Variants in RIPOR2 observed in about 807,000 individuals in gnomAD.
RIPOR2 encodes the protein rho family-interacting cell polarization regulator 2.
RIPOR2 carries 39 observed loss-of-function variants against 114.5 expected under a neutral mutation model. That is an observed-to-expected ratio of 0.34 (90% CI 0.26 to 0.44). The LOEUF is 0.44. Among genes scored for constraint, RIPOR2 ranks in the 20% least tolerant of loss-of-function variants. The pLI is 1.00. For synonymous variants in RIPOR2, 445 were observed against 484.4 expected (o/e 0.92, Z 1.07); for missense variants, 1,007 against 1,255.1 (o/e 0.80, Z 2.99).
intron 1 of RIPOR2, among the ~76,000 whole-genome samples, chr6:24,923,579 T>C (rs1287170575): frequency 1.3e-5 from 2 of 152,112 alleles, no homozygotes; most frequent in African/African-American, 2.4e-5. Flanking sequence ...GCGCGGCGGC[T>C]CACTCCTGTA....
chr6:25,041,874 C>T, exon 1 of RIPOR2: 1 of 702,928 alleles, frequency 1.4e-6, no homozygotes, highest in East Asian at 2.7e-5. Flanking sequence ...CCTCCGGATC[C>T]TGTCCCTCCA....
Position 24,935,940 on chromosome 6 carries a change from G to A in RIPOR2, c.-42C>T, listed in dbSNP as rs547679229. 6.1e-6 allele frequency: 9 copies of A among 1,467,322 alleles called. No homozygotes were observed. Among genetic ancestry groups the A allele is most frequent in the Admixed American group, 3.9e-5 (2 of 50,756 alleles). 90.9% of individuals were successfully genotyped at this position (1,467,322 alleles called of 1,614,324 possible). A position where few individuals can be genotyped will look rare whatever the true frequency, so the allele number is the denominator to read the frequency against. On this transcript the variant is annotated 5_prime_UTR_variant, in exon 1 of 22. Coordinates refer to ENST00000643898, the MANE Select transcript of RIPOR2 (RefSeq NM_001286445.3). ...GCGAGAAGCAGCAGGCAGCAGCCCC[G>A]GCAGTCTCAGCAGTCACACTGCCGA...
In RIPOR2 at chr6:24,805,397, G is replaced by A. The variant is rs866928930; in HGVS notation, c.*976C>T. 5.5e-5 allele frequency: 8 copies of A among 146,778 alleles called. No individual in the cohort carries two copies. The highest frequency in any genetic ancestry group is 9.0e-5 in the Non-Finnish European group (6 of 66,558). 9.1% of individuals were successfully genotyped at this position (146,778 alleles called of 1,614,324 possible). A position where few individuals can be genotyped will look rare whatever the true frequency, so the allele number is the denominator to read the frequency against. The stretch of plus-strand genomic sequence containing the variant: ...ACAAAATAAATTATGGGAGTTTTTT[G>A]TTTTTTTTTTTGAGACTGGCTCTCA... On this transcript the variant is annotated 3_prime_UTR_variant, in exon 22 of 22. Coordinates refer to ENST00000643898, the MANE Select transcript of RIPOR2 (RefSeq NM_001286445.3).
At chr6:24,846,836 T>G (rs546934511) in intron 12 of RIPOR2, among the ~76,000 whole-genome samples, 1 of 152,322 alleles carries the variant, frequency 6.6e-6, no homozygotes, top group East Asian at 1.9e-4. Flanking sequence ...AGGATATCTT[T>G]TTATCGAAGT....
intron 8 of RIPOR2, among the ~76,000 whole-genome samples, chr6:24,859,052 G>A (rs979836581): frequency 5.9e-5 from 9 of 152,106 alleles, no homozygotes; most frequent in Non-Finnish European, 1.0e-4. Flanking sequence ...TGGAGTTAGA[G>A]GTGGGAATGC....
chr6:24,943,020 T>C (rs113467145), intron 1 of RIPOR2, among the ~76,000 whole-genome samples: 3,244 of 152,326 alleles, frequency 0.021, 60 homozygotes, highest in African/African-American at 0.05. Context: ...TAAATCATGC[T>C]GCTATAAAGA....
intron 1 of RIPOR2, among the ~76,000 whole-genome samples, chr6:24,889,829 T>C (rs956068476): frequency 6.6e-6 from 1 of 152,184 alleles, no homozygotes; most frequent in African/African-American, 2.4e-5. Context: ...AATTTTACCT[T>C]GGTAGAAAAG....
chr6:24,832,971 C>A (rs1181730479), intron 15 of RIPOR2, among the ~76,000 whole-genome samples: 2 of 152,094 alleles, frequency 1.3e-5, no homozygotes, highest in Non-Finnish European at 2.9e-5. Flanking sequence ...TATTGATATC[C>A]CCATTTTACT....
At chr6:25,038,299 T>C (rs1291547006) in intron 1 of RIPOR2, among the ~76,000 whole-genome samples, 1 of 152,266 alleles carries the variant, frequency 6.6e-6, no homozygotes, top group East Asian at 1.9e-4. Context: ...CCCCTTGGCA[T>C]ACAGGTTCTG....
intron 6 of RIPOR2, among the ~76,000 whole-genome samples, chr6:24,867,732 A>G (rs1339219596): frequency 6.6e-6 from 1 of 152,252 alleles, no homozygotes; most frequent in Non-Finnish European, 1.5e-5. Context: ...TGGATAAAGT[A>G]TACCTAGGTA....
intron 1 of RIPOR2, among the ~76,000 whole-genome samples, chr6:24,959,619 T>C (rs1773211245): frequency 6.6e-6 from 1 of 152,198 alleles, no homozygotes; most frequent in African/African-American, 2.4e-5. Flanking sequence ...GAACACACAT[T>C]AGATAAATGC....
chr6:25,001,991 A>G (rs114678255), intron 1 of RIPOR2, among the ~76,000 whole-genome samples: 1,891 of 151,994 alleles, frequency 0.012, 22 homozygotes, highest in Non-Finnish European at 0.02. Context: ...TACAGGTGTG[A>G]GCCACTGCGC....
chr6:25,036,745 T>C (rs1777273672), intron 1 of RIPOR2, among the ~76,000 whole-genome samples: 1 of 152,220 alleles, frequency 6.6e-6, no homozygotes, highest in Non-Finnish European at 1.5e-5. Flanking sequence ...CTCTGTCATC[T>C]GGTTGCATTT....
At chr6:24,826,627 C>T (rs1760213456) in intron 18 of RIPOR2, among the ~76,000 whole-genome samples, 1 of 151,944 alleles carries the variant, frequency 6.6e-6, no homozygotes, top group East Asian at 1.9e-4. Flanking sequence ...ATTAACAAAT[C>T]ACAGAAAATA....
intron 1 of RIPOR2, among the ~76,000 whole-genome samples, chr6:24,944,683 C>T (rs1486480883): frequency 1.3e-5 from 2 of 152,066 alleles, no homozygotes; most frequent in African/African-American, 4.8e-5. Flanking sequence ...CAAGATTAAT[C>T]TATAAATCTA....
Position 24,809,727 on chromosome 6 carries a change from G to A in RIPOR2, c.3033C>T (p.Leu1011=). 6.5e-7 allele frequency: 1 copy of A among 1,543,804 alleles called. No homozygotes were observed. The highest frequency in any genetic ancestry group is 8.8e-7 in the Non-Finnish European group (1 of 1,139,742). Residue 1011 remains leucine, a synonymous_variant, in exon 21 of 22, where the codon CTC becomes CTT. Transcript: ENST00000643898. ...EEIRNVASET[L]LSLGEDGRLA... Reference sequence around the variant, plus strand: ...AACAATAAAACTCACCCAGAGACAAGAGGGTTTCTGAGGCCACATTTCTGA... The same window carrying A: ...AACAATAAAACTCACCCAGAGACAAAAGGGTTTCTGAGGCCACATTTCTGA...
chr6:25,035,106 T>C (rs1777176967), intron 1 of RIPOR2, among the ~76,000 whole-genome samples: 1 of 152,154 alleles, frequency 6.6e-6, no homozygotes. Flanking sequence ...AAAAGCATTC[T>C]CTGTAATTGG....
upstream of RIPOR2, among the ~76,000 whole-genome samples, chr6:24,938,049 G>A (rs13199679): frequency 0.073 from 11,111 of 152,168 alleles, 451 homozygotes; most frequent in East Asian, 0.12. Flanking sequence ...TGTCTCCCCT[G>A]TTGAATTCAT....
rs1032290814 is a variant in RIPOR2 at position 25,037,191 on chromosome 6, G to A, written c.76+4660C>T. ...GGTTGAGGAAGTGGGCATTCAGGGA[G>A]GTGGAATAAATTGCCCACAGGCCAA... On this transcript the variant is annotated intron_variant, in intron 1 of 13. Coordinates refer to the RIPOR2 transcript ENST00000510784. This position sits in a 1 kb window ranked among gnomAD's most constrained non-coding sequence, Gnocchi z 4.5. 6.6e-6 allele frequency among the ~76,000 whole-genome samples: 1 copy of A among 152,176 alleles called. No homozygotes were observed. Among genetic ancestry groups the A allele is most frequent in the Non-Finnish European group, 1.5e-5 (1 of 68,032 alleles).
Sources: allele counts gnomAD v4.1 joint callset (sites outside exome capture counted in the v4.1 genomes callset), GRCh38; gene constraint gnomAD v4.1.1; non-coding constraint Gnocchi (gnomAD v3.1); transcripts MANE v1.5; gene names NCBI Gene and HGNC (gene_info 2026-07-23, HGNC 2026-07-21).